Variants in TRAF3 observed in about 807,000 individuals in gnomAD.
TRAF3 encodes the protein TNF receptor-associated factor 3.
TRAF3 carries 13 observed loss-of-function variants against 62.3 expected under a neutral mutation model. That is an observed-to-expected ratio of 0.21 (90% CI 0.14 to 0.33). The LOEUF (loss-of-function observed/expected upper bound fraction) is 0.33, where lower values mean the gene tolerates loss of function less well. Ranked by LOEUF, TRAF3 falls within the 10% of genes least tolerant of loss-of-function variation. The probability of loss-of-function intolerance (pLI) is 1.00; values close to 1 mark genes in which losing one functional copy is unlikely to be tolerated. For missense variants in TRAF3, 440 were observed against 741.8 expected, an observed-to-expected ratio of 0.59 and a Z score of 4.73; for synonymous variants, 269 against 283.4, an observed-to-expected ratio of 0.95 and a Z score of 0.51.
intron 1 of TRAF3, chr14:102,810,691 TC>T (rs1236604640): frequency 6.6e-6 from 1 of 152,216 alleles, no homozygotes; most frequent in East Asian, 1.9e-4. Context: ...GCCTCAGTGA[TC>T]CTATAAATTG....
At chr14:102,844,589 T>C (rs1886581530) in intron 2 of TRAF3, among the ~76,000 whole-genome samples, 2 of 152,192 alleles carry the variant, frequency 1.3e-5, no homozygotes, top group South Asian at 4.1e-4. Context: ...AGCTGTGGAC[T>C]GAGCTGGGAA....
In TRAF3 at chr14:102,786,947, C is replaced by T. The variant is rs192865644; in HGVS notation, c.-157+9272C>T. ...AGGTCGAGGCTACAGTGAGGTGTTA[C>T]TGTGTCACCATACTTCCGCACTTTA... On this transcript the variant is annotated intron_variant, in intron 1 of 11. Transcript: ENST00000392745. Among the ~76,000 whole-genome samples, 818 of 152,282 alleles carry T rather than the reference C, an allele frequency of 5.4e-3. 6 individuals are homozygous for T. Among genetic ancestry groups the T allele is most frequent in the Admixed American group, 9.9e-3 (151 of 15,280 alleles).
Position 102,905,593 on chromosome 14 carries a change from C to T in TRAF3, c.1516C>T (p.Arg506Cys). ...GCTGATGGATCAGGGGTCCTCTCGACGTCATTTGGGAGATGCATTCAAGCC... is the reference window on the plus strand; with the variant it reads ...GCTGATGGATCAGGGGTCCTCTCGATGTCATTTGGGAGATGCATTCAAGCC... ...LMLMDQGSSR[R>C]HLGDAFKPDP... Residue 506 changes from arginine (R) to cysteine (C), a missense_variant, in exon 12 of 12, where the codon CGT (arginine) becomes TGT (cysteine). Around this residue, in one of 6 missense-constraint regions of TRAF3, gnomAD observed 59 missense variants for 120.9 expected, o/e 0.49. Transcript: ENST00000392745. 2 of 1,614,158 alleles carry T rather than the reference C, an allele frequency of 1.2e-6. No homozygotes were observed. The highest frequency in any genetic ancestry group is 2.2e-5 in the East Asian group (1 of 44,892).
intron 11 of TRAF3, 112 bp from the exon 12 acceptor site, chr14:102,905,101 G>A: frequency 2.6e-6 from 3 of 1,145,000 alleles, no homozygotes; most frequent in Non-Finnish European, 3.8e-6. Flanking sequence ...AACAGAGCGA[G>A]ACTCCGTCTC....
rs1890419833 is a variant in TRAF3, at chr14:102,903,599, A to G, written c.1135+170A>G. 1 of 1,006,036 alleles carries G rather than the reference A, an allele frequency of 9.9e-7. No individual in the cohort carries two copies. Among genetic ancestry groups the G allele is most frequent in the African/African-American group, 1.6e-5 (1 of 62,764 alleles). 62.3% of individuals were successfully genotyped at this position (1,006,036 alleles called of 1,614,324 possible). ...ATGACTTTCCTACTGAAAGTCCCCC[A>G]GCAAAGACAAACGTTTCCCGCGCAG... On this transcript the variant is annotated intron_variant, in intron 11 of 11. Coordinates refer to ENST00000392745, the MANE Select transcript of TRAF3 (RefSeq NM_145725.3). The surrounding 1 kb of genome is among the most constrained non-coding windows in gnomAD (Gnocchi z 6.4).
chr14:102,793,018 C>T (rs1285682924), intron 1 of TRAF3, among the ~76,000 whole-genome samples: 5 of 152,042 alleles, frequency 3.3e-5, no homozygotes, highest in African/African-American at 1.2e-4. Context: ...CCATGTTGGC[C>T]AGGCTGGTCT....
chr14:102,889,475 G>A (rs1889588770), intron 7 of TRAF3, 85 bp from the exon 8 acceptor site: 2 of 1,350,014 alleles, frequency 1.5e-6, no homozygotes, highest in East Asian at 4.6e-5. Context: ...TAATAGTACA[G>A]CTCAGATGCT....
chr14:102,850,409 A>G (rs1009836738), intron 2 of TRAF3, among the ~76,000 whole-genome samples: 1 of 152,186 alleles, frequency 6.6e-6, no homozygotes, highest in Non-Finnish European at 1.5e-5. Flanking sequence ...CAGAATAAGA[A>G]TTGCAGGCCG....
At chr14:102,855,588 G>A (rs1887314665) in intron 2 of TRAF3, among the ~76,000 whole-genome samples, 1 of 152,074 alleles carries the variant, frequency 6.6e-6, no homozygotes, top group Non-Finnish European at 1.5e-5. Flanking sequence ...CTGAGCTCAG[G>A]AGTTTGAGAC....
intron 2 of TRAF3, among the ~76,000 whole-genome samples, chr14:102,851,206 G>A (rs1887018806): frequency 6.6e-6 from 1 of 152,070 alleles, no homozygotes; most frequent in Non-Finnish European, 1.5e-5. Flanking sequence ...ACTTATAATT[G>A]TCATATCTAA....
At position 102,870,268 on chromosome 14, in the gene TRAF3, A is replaced by G. The variant is rs1019409633; in HGVS notation, c.67A>G (p.Thr23Ala). ...GACTAACCCGCCGCTAAAGCTGCAC[A>G]CTGACCGCAGTGCTGGGACGCCAGT... ...LQTNPPLKLH[T>A]DRSAGTPVFV... Residue 23 changes from threonine (T) to alanine (A), a missense_variant, in exon 3 of 12, where the codon ACT (threonine) becomes GCT (alanine). Transcript: ENST00000392745. 6.2e-7 allele frequency: 1 copy of G among 1,614,194 alleles called. No individual in the cohort carries two copies. Among genetic ancestry groups the G allele is most frequent in the Non-Finnish European group, 8.5e-7 (1 of 1,180,032 alleles).
intron 2 of TRAF3, among the ~76,000 whole-genome samples, chr14:102,864,443 C>T (rs1046331051): frequency 5.3e-5 from 8 of 152,076 alleles, no homozygotes; most frequent in African/African-American, 9.7e-5. Context: ...CCACCGCGCC[C>T]GGCCTAGTTT....
At chr14:102,854,322 C>T (rs183335769) in intron 2 of TRAF3, among the ~76,000 whole-genome samples, 234 of 152,222 alleles carry the variant, frequency 1.5e-3, no homozygotes, top group Non-Finnish European at 2.4e-3. Context: ...TTGGGTCATA[C>T]GGTAATTCTG....
chr14:102,801,294 G>A (rs541559019), intron 1 of TRAF3, among the ~76,000 whole-genome samples: 2 of 151,910 alleles, frequency 1.3e-5, no homozygotes, highest in East Asian at 3.9e-4. Context: ...TTTTCTTATG[G>A]TTACTGCCTC....
chr14:102,829,918 C>A (rs753161800), intron 1 of TRAF3, among the ~76,000 whole-genome samples: 4 of 152,052 alleles, frequency 2.6e-5, no homozygotes, highest in Non-Finnish European at 5.9e-5. Context: ...TCGCTTGAGC[C>A]CAGGAATCTA....
intron 9 of TRAF3, among the ~76,000 whole-genome samples, chr14:102,894,459 G>A (rs1393034114): frequency 6.6e-6 from 1 of 152,210 alleles, no homozygotes; most frequent in Non-Finnish European, 1.5e-5. Context: ...AAAGTGGGCT[G>A]GAGTAAAGGA....
chr14:102,806,241 C>G (rs777144178), intron 1 of TRAF3, among the ~76,000 whole-genome samples: 10 of 152,168 alleles, frequency 6.6e-5, no homozygotes, highest in Non-Finnish European at 1.3e-4. Context: ...ATTCACCATA[C>G]TCTTCTTGAT....
chr14:102,873,019 A>G (rs1888432543), intron 4 of TRAF3, among the ~76,000 whole-genome samples: 1 of 152,202 alleles, frequency 6.6e-6, no homozygotes, highest in Non-Finnish European at 1.5e-5. Flanking sequence ...TTAAAATATC[A>G]ATAAAAATGT....
chr14:102,895,174 A>C (rs1173307999), intron 9 of TRAF3: 2 of 453,776 alleles, frequency 4.4e-6, no homozygotes, highest in South Asian at 3.1e-5. Context: ...GCGATGCTGC[A>C]TATGGCCCGC....
Sources: gnomAD v4.1 joint callset for allele counts (sites outside exome capture counted in the v4.1 genomes callset) on GRCh38, gnomAD v4.1.1 for gene constraint, gnomAD v4.1.1 regional missense constraint, Gnocchi (gnomAD v3.1) non-coding constraint, MANE v1.5 for transcripts, NCBI Gene and HGNC (gene_info 2026-07-23, HGNC 2026-07-21) for gene names.